DNAH7: variants seen among roughly 807,000 people sequenced by gnomAD.
DNAH7 encodes the protein dynein axonemal heavy chain 7.
DNAH7 carries 397 observed loss-of-function variants against 444.6 expected under a neutral mutation model. The ratio of observed to expected loss-of-function variants is 0.89; its 90% CI spans 0.82 to 0.97. DNAH7 has a LOEUF of 0.97. Among genes scored for constraint, DNAH7 ranks in the 50% least tolerant of loss-of-function variants. The pLI is 0.00. For missense variants in DNAH7, 4,902 were observed against 4,800.8 expected, an observed-to-expected ratio of 1.02 and a Z score of -0.62; for synonymous variants, 1,636 against 1,624.4, an observed-to-expected ratio of 1.01 and a Z score of -0.17.
intron 54 of DNAH7, 25 bp from the exon 55 acceptor site, chr2:195,799,497 G>T (rs1206811871): frequency 6.7e-7 from 1 of 1,500,460 alleles, no homozygotes; most frequent in South Asian, 1.4e-5. Context: ...GGATATAGTT[G>T]GAAGAATATT....
At chr2:195,936,925 T>C in intron 19 of DNAH7, 133 bp from the exon 20 acceptor site, 2 of 755,084 alleles carry the variant, frequency 2.6e-6, no homozygotes, top group Admixed American at 7.3e-5. Flanking sequence ...GTATTTGTTT[T>C]TTAAAAGTAG....
At chr2:195,928,016 G>A (rs1200833549) in intron 21 of DNAH7, among the ~76,000 whole-genome samples, 1 of 152,006 alleles carries the variant, frequency 6.6e-6, no homozygotes, top group Non-Finnish European at 1.5e-5. Context: ...TGGGCATATT[G>A]CACCAAGGTA....
chr2:195,917,031 G>C (rs533078246), intron 24 of DNAH7, among the ~76,000 whole-genome samples: 1 of 150,570 alleles, frequency 6.6e-6, no homozygotes, highest in Non-Finnish European at 1.5e-5. Flanking sequence ...GAACCCAGGA[G>C]GCAGAGCTTG....
intron 3 of DNAH7, among the ~76,000 whole-genome samples, chr2:196,048,858 A>G (rs1375143940): frequency 6.6e-6 from 1 of 152,186 alleles, no homozygotes; most frequent in Non-Finnish European, 1.5e-5. Flanking sequence ...TATTATACAT[A>G]CACAATTTTG....
intron 47 of DNAH7, among the ~76,000 whole-genome samples, chr2:195,839,042 A>G (rs561351372): frequency 3.9e-4 from 59 of 152,032 alleles, no homozygotes; most frequent in African/African-American, 1.4e-3. Flanking sequence ...CCAACTTTCA[A>G]AATGCCATTC....
At chr2:196,026,108 G>A (rs963400051) in intron 7 of DNAH7, among the ~76,000 whole-genome samples, 3 of 152,106 alleles carry the variant, frequency 2.0e-5, no homozygotes, top group African/African-American at 7.2e-5. Context: ...TCGACTTTGT[G>A]GGCCACAAGG....
chr2:195,884,931 A>G (rs1371395257), intron 34 of DNAH7, 122 bp from the exon 35 acceptor site: 2 of 720,438 alleles, frequency 2.8e-6, no homozygotes, highest in Non-Finnish European at 4.4e-6. Context: ...GCTCAAATAT[A>G]TTAGTAGGTC....
intron 58 of DNAH7, among the ~76,000 whole-genome samples, chr2:195,785,559 C>G (rs1695577565): frequency 7.0e-6 from 1 of 141,962 alleles, no homozygotes; most frequent in Non-Finnish European, 1.5e-5. Flanking sequence ...GTTGAGGATG[C>G]TCCCCTCCAT....
At chr2:195,812,294 C>T (rs1163789218) in intron 51 of DNAH7, among the ~76,000 whole-genome samples, 1 of 152,106 alleles carries the variant, frequency 6.6e-6, no homozygotes, top group Non-Finnish European at 1.5e-5. Context: ...TGTGGCTGGC[C>T]TCACATCAGT....
In DNAH7 at chr2:196,000,719, T is replaced by C. The variant is rs1412505986; in HGVS notation, c.1338A>G (p.Lys446=). 1.3e-6 allele frequency: 2 copies of C among 1,571,358 alleles called. No individual in the cohort carries two copies. Among genetic ancestry groups the C allele is most frequent in the Non-Finnish European group, 1.7e-6 (2 of 1,158,982 alleles). The part of the protein sequence containing the change: ...AVSFVPRVET[K]LYSKWESKSK... ...TGTTACTTACCCACTTGGAATACAATTTTGTCTCAACTCTTGGCACAAAAC... is the reference window on the plus strand; with the variant it reads ...TGTTACTTACCCACTTGGAATACAACTTTGTCTCAACTCTTGGCACAAAAC... Residue 446 remains lysine (K), a synonymous_variant, in exon 12 of 65, where the codon AAA becomes AAG. Transcript: ENST00000312428.
At chr2:196,041,051 A>C (rs1257180601) in intron 5 of DNAH7, among the ~76,000 whole-genome samples, 7 of 152,064 alleles carry the variant, frequency 4.6e-5, no homozygotes, top group Non-Finnish European at 8.8e-5. Context: ...AAAAAAATAA[A>C]TTGAAGAAAA....
chr2:195,864,958 T>A lies in DNAH7; in HGVS notation c.6697A>T (p.Ile2233Phe), dbSNP rs1183026444. 18 of 1,608,266 alleles carry A rather than the reference T, an allele frequency of 1.1e-5. No individual in the cohort carries two copies. The highest frequency in any genetic ancestry group is 1.5e-5 in the Non-Finnish European group (18 of 1,179,952). ...ATGTAGTTTCTCAAAATTTCTTGAA[T>A]GTAGTTGATGAGCCAGCTTCTGTCT... Reference protein sequence around the residue: ...NTDRSWLINYIQEILRNYMYE... With the variant: ...NTDRSWLINYFQEILRNYMYE... The change falls in exon 41 of 65, where the codon ATT becomes TTT. Residue 2233 changes from isoleucine to phenylalanine, a missense_variant. Physicochemically the swap from Ile to Phe is conservative, Grantham distance 21 (BLOSUM62 0). Coordinates refer to ENST00000312428, the MANE Select transcript of DNAH7 (RefSeq NM_018897.3).
At chr2:195,885,842 T>C (rs1002851144) in intron 34 of DNAH7, among the ~76,000 whole-genome samples, 5 of 152,188 alleles carry the variant, frequency 3.3e-5, no homozygotes, top group African/African-American at 1.2e-4. Context: ...AAATGGTCAC[T>C]GACATTTTGG....
intron 12 of DNAH7, chr2:195,999,368 G>C (rs1314674281): frequency 1.6e-6 from 1 of 617,316 alleles, no homozygotes; most frequent in Non-Finnish European, 2.9e-6. Flanking sequence ...CAAGAATTCA[G>C]CTAAAAATGG....
At chr2:195,857,286 T>C in intron 44 of DNAH7, 91 bp downstream of exon 44, 2 of 1,145,064 alleles carry the variant, frequency 1.7e-6, no homozygotes, top group Non-Finnish European at 2.4e-6. Context: ...AAGGAGCCTC[T>C]CACTTACATA....
chr2:195,849,555 T>C (rs560457840), intron 46 of DNAH7, among the ~76,000 whole-genome samples: 144 of 152,272 alleles, frequency 9.5e-4, no homozygotes, highest in African/African-American at 3.2e-3. Flanking sequence ...CATTTCCAGT[T>C]TGACTTCTAT....
At chr2:196,062,386 T>C (rs1698177615) in intron 1 of DNAH7, among the ~76,000 whole-genome samples, 1 of 152,240 alleles carries the variant, frequency 6.6e-6, no homozygotes, top group Non-Finnish European at 1.5e-5. Flanking sequence ...TTCTCTATGC[T>C]TGTACCCAAG....
In DNAH7 at chr2:196,047,983, T is replaced by C. The variant is rs1048276015; in HGVS notation, c.250+313A>G. On this transcript the variant is annotated intron_variant, in intron 4 of 64. Transcript: ENST00000312428. Reference sequence around the variant, plus strand: ...CCACAAAAAATTTTAAAAAGAAATATAATTTATTAAAATCTCTCTTATAAA... The same window carrying C: ...CCACAAAAAATTTTAAAAAGAAATACAATTTATTAAAATCTCTCTTATAAA... Among the ~76,000 whole-genome samples the C allele has an allele frequency of 3.9e-5, 6 of 152,250 alleles. No homozygotes were observed. In the South Asian group the frequency reaches 1.0e-3, roughly 26 times the overall value.
At chr2:195,807,809 A>T (rs1696782885) in intron 53 of DNAH7, among the ~76,000 whole-genome samples, 1 of 152,240 alleles carries the variant, frequency 6.6e-6, no homozygotes, top group Admixed American at 6.5e-5. Context: ...ATTTTAAATT[A>T]GTTGAGGTAC....
Sources: allele counts gnomAD v4.1 joint callset (sites outside exome capture counted in the v4.1 genomes callset), GRCh38; gene constraint gnomAD v4.1.1; transcripts MANE v1.5; gene names NCBI Gene and HGNC (gene_info 2026-07-23, HGNC 2026-07-21).